The following TAFA2 variants were observed in gnomAD, a reference collection of about 807,000 sequenced individuals.
TAFA2 encodes TAFA chemokine like family member 2, also known as chemokine-like protein TAFA-2.
In TAFA2, 7 loss-of-function variants were observed where a neutral mutation model predicts 18.8. That is an observed-to-expected ratio of 0.37 (90% confidence interval 0.21 to 0.70). The LOEUF is 0.70. Ranked by LOEUF, TAFA2 falls within the 30% of genes least tolerant of loss-of-function variation. TAFA2 has a pLI of 0.53. For missense variants in TAFA2, 122 were observed against 158.1 expected, an observed-to-expected ratio of 0.77 and a Z score of 1.23; for synonymous variants, 60 against 54.2, an observed-to-expected ratio of 1.11 and a Z score of -0.47.
intron 1 of TAFA2, among the ~76,000 whole-genome samples, chr12:62,174,166 C>T (rs182494920): frequency 6.6e-6 from 1 of 152,152 alleles, no homozygotes; most frequent in African/African-American, 2.4e-5. Flanking sequence ...GTGGCGCACG[C>T]CTGTAGTCCC....
intron 1 of TAFA2, among the ~76,000 whole-genome samples, chr12:62,153,555 A>G (rs1209424403): frequency 6.6e-6 from 1 of 152,036 alleles, no homozygotes; most frequent in African/African-American, 2.4e-5. Flanking sequence ...CTGTCATCCT[A>G]GCTACTTTGG....
At chr12:62,041,918 G>C (rs1881766126) in intron 1 of TAFA2, among the ~76,000 whole-genome samples, 1 of 151,848 alleles carries the variant, frequency 6.6e-6, no homozygotes, top group Non-Finnish European at 1.5e-5. Context: ...TTTCAATATT[G>C]CTTAAAATAC....
chr12:62,144,016 C>G (rs1259565069), intron 1 of TAFA2, among the ~76,000 whole-genome samples: 2 of 144,574 alleles, frequency 1.4e-5, no homozygotes, highest in Admixed American at 7.1e-5. Flanking sequence ...CCACTGCACT[C>G]CAGCCTGGGT....
At chr12:61,750,584 A>G (rs561548099) in intron 4 of TAFA2, among the ~76,000 whole-genome samples, 1 of 152,216 alleles carries the variant, frequency 6.6e-6, no homozygotes, top group East Asian at 1.9e-4. Context: ...TAGGCTCAAA[A>G]TTAGTCTTAA....
At chr12:61,902,105 A>AC (rs546846903) in intron 1 of TAFA2, among the ~76,000 whole-genome samples, 2 of 151,692 alleles carry the variant, frequency 1.3e-5, no homozygotes, top group Non-Finnish European at 1.5e-5. Flanking sequence ...AAAAAAAAAA[A>AC]AAAAAAAACC....
rs146581701 is a variant in TAFA2 at position 62,216,811 on chromosome 12, G to A, written c.-130+41952C>T. 3.5e-3 allele frequency among the ~76,000 whole-genome samples: 528 copies of A among 152,252 alleles called. 2 individuals carry two copies. The highest frequency in any genetic ancestry group is 0.012 in the African/African-American group (492 of 41,548). On this transcript the variant is annotated intron_variant, in intron 1 of 5. Coordinates refer to the TAFA2 transcript ENST00000551619. ...AATGTATTTCAAAGATGCCCGAACTGGTCATTTGTCAAAACATAGCATTGG... is the reference window on the plus strand; with the variant it reads ...AATGTATTTCAAAGATGCCCGAACTAGTCATTTGTCAAAACATAGCATTGG...
At chr12:61,903,953 C>T (rs899056670) in intron 1 of TAFA2, among the ~76,000 whole-genome samples, 2 of 152,078 alleles carry the variant, frequency 1.3e-5, no homozygotes, top group Non-Finnish European at 1.5e-5. Context: ...GAGAAAAATG[C>T]CTGGCTTTTG....
intron 1 of TAFA2, among the ~76,000 whole-genome samples, chr12:62,246,354 T>C (rs2062886562): frequency 6.6e-6 from 1 of 152,158 alleles, no homozygotes; most frequent in Non-Finnish European, 1.5e-5. Context: ...CCATGAACCA[T>C]TTGGTTTAGT....
intron 1 of TAFA2, among the ~76,000 whole-genome samples, chr12:62,229,196 T>C (rs1299851630): frequency 6.6e-6 from 1 of 152,122 alleles, no homozygotes; most frequent in Non-Finnish European, 1.5e-5. Context: ...TTTGGATGCC[T>C]TCAATTTATT....
intron 1 of TAFA2, among the ~76,000 whole-genome samples, chr12:62,150,643 C>T (rs906366911): frequency 5.3e-5 from 8 of 152,150 alleles, no homozygotes; most frequent in Non-Finnish European, 1.0e-4. Flanking sequence ...TGGCTCACAC[C>T]TGTAATCACA....
chr12:62,004,687 C>A (rs1245521358), intron 1 of TAFA2, among the ~76,000 whole-genome samples: 1 of 151,936 alleles, frequency 6.6e-6, no homozygotes, highest in Non-Finnish European at 1.5e-5. Context: ...TGGATATGTA[C>A]CCAAAGGAAA....
chr12:62,108,622 A>G (rs1039289927), intron 1 of TAFA2, among the ~76,000 whole-genome samples: 1 of 152,120 alleles, frequency 6.6e-6, no homozygotes, highest in African/African-American at 2.4e-5. Flanking sequence ...AAGCGTTCCT[A>G]TTTCTCCACA....
chr12:61,841,078 G>C (rs995284029), intron 2 of TAFA2, among the ~76,000 whole-genome samples: 4 of 151,982 alleles, frequency 2.6e-5, no homozygotes, highest in African/African-American at 9.7e-5. Flanking sequence ...TGGAGCAGGA[G>C]GCAATACTAG....
At chr12:61,893,154 C>T (rs1875704820) in intron 1 of TAFA2, among the ~76,000 whole-genome samples, 1 of 152,050 alleles carries the variant, frequency 6.6e-6, no homozygotes, top group East Asian at 1.9e-4. Context: ...AGAAGGTATC[C>T]CAAGAAGGAA....
chr12:62,085,166 G>T (rs903242343), intron 1 of TAFA2, among the ~76,000 whole-genome samples: 1 of 152,102 alleles, frequency 6.6e-6, no homozygotes, highest in African/African-American at 2.4e-5. Flanking sequence ...AAAAAGGACT[G>T]GATTTCTTCA....
chr12:61,807,418 G>C (rs1871666236), intron 2 of TAFA2, among the ~76,000 whole-genome samples: 1 of 151,386 alleles, frequency 6.6e-6, no homozygotes, highest in South Asian at 2.1e-4. Context: ...TCCAGGCAGA[G>C]GTTTACTGCT....
intron 1 of TAFA2, among the ~76,000 whole-genome samples, chr12:61,896,508 T>G (rs1354510399): frequency 6.6e-6 from 1 of 152,242 alleles, no homozygotes; most frequent in East Asian, 1.9e-4. Flanking sequence ...TCATTGTTCC[T>G]GATATTACTA....
chr12:61,843,443 T>C (rs1421972411), intron 2 of TAFA2, among the ~76,000 whole-genome samples: 1 of 152,088 alleles, frequency 6.6e-6, no homozygotes, highest in African/African-American at 2.4e-5. Context: ...ACCATTTTAC[T>C]TTGCTTTGGA....
At chr12:62,238,391 G>C (rs1175523393) in intron 1 of TAFA2, among the ~76,000 whole-genome samples, 1 of 152,114 alleles carries the variant, frequency 6.6e-6, no homozygotes, top group Non-Finnish European at 1.5e-5. Context: ...TTCACATTTT[G>C]GTTACATCAC....
Sources: gnomAD v4.1 joint callset for allele counts (sites outside exome capture counted in the v4.1 genomes callset) on GRCh38, gnomAD v4.1.1 for gene constraint, MANE v1.5 for transcripts, NCBI Gene and HGNC (gene_info 2026-07-23, HGNC 2026-07-21) for gene names.